The following SLC35F1 variants were observed in gnomAD, a reference collection of about 807,000 sequenced individuals.
SLC35F1 encodes the protein solute carrier family 35 member F1.
A neutral mutation model predicts 48.7 loss-of-function variants in SLC35F1; 14 were observed. The ratio of observed to expected loss-of-function variants is 0.29; its 90% CI spans 0.19 to 0.45. The LOEUF is 0.45. Ranked by LOEUF, SLC35F1 falls within the 20% of genes least tolerant of loss-of-function variation. The pLI is 1.00. For missense variants in SLC35F1, 404 were observed against 500.0 expected (o/e 0.81, Z 1.83); for synonymous variants, 190 against 202.2 (o/e 0.94, Z 0.51).
At chr6:117,924,544 A>G (rs1231281882) in intron 1 of SLC35F1, among the ~76,000 whole-genome samples, 2 of 149,038 alleles carry the variant, frequency 1.3e-5, no homozygotes, top group East Asian at 2.0e-4. Flanking sequence ...ATTCTGTTCC[A>G]TATATATGTG....
intron 1 of SLC35F1, among the ~76,000 whole-genome samples, chr6:117,923,646 C>CATATATGTATATATACAT (rs1178826026): frequency 2.0e-5 from 2 of 102,012 alleles, no homozygotes; most frequent in Non-Finnish European, 3.8e-5. Flanking sequence ...TACATATGTA[C>CATATATGTATATATACAT]ATATGTACAT....
chr6:117,996,052 C>T (rs1776983626), intron 1 of SLC35F1, among the ~76,000 whole-genome samples: 2 of 152,132 alleles, frequency 1.3e-5, no homozygotes, highest in African/African-American at 4.8e-5. Flanking sequence ...TGGAACATTA[C>T]AAAGAGTATC....
chr6:118,152,556 T>C (rs1774077553), intron 1 of SLC35F1, among the ~76,000 whole-genome samples: 1 of 152,174 alleles, frequency 6.6e-6, no homozygotes, highest in Non-Finnish European at 1.5e-5. Context: ...CACTCACTTG[T>C]CAGGACAATG....
Position 118,107,359 on chromosome 6 carries a change from C to G in SLC35F1, c.174-47086C>G, listed in dbSNP as rs551580092. 1.2e-3 allele frequency among the ~76,000 whole-genome samples: 190 copies of G among 152,296 alleles called. 1 individual carries two copies. Among genetic ancestry groups the G allele is most frequent in the African/African-American group, 4.5e-3 (187 of 41,578 alleles). ...CAAATTCTGTACTCTAACTTCCAAACTCTTTTCTCCCATTGTCCTTTGGAC... is the reference window on the plus strand; with the variant it reads ...CAAATTCTGTACTCTAACTTCCAAAGTCTTTTCTCCCATTGTCCTTTGGAC... On this transcript the variant is annotated intron_variant, in intron 1 of 7. Coordinates refer to ENST00000360388, the MANE Select transcript of SLC35F1 (RefSeq NM_001029858.4).
intron 1 of SLC35F1, among the ~76,000 whole-genome samples, chr6:118,140,679 A>G (rs1340164519): frequency 1.3e-5 from 2 of 151,720 alleles, no homozygotes; most frequent in East Asian, 3.9e-4. Context: ...AGGCATTGTT[A>G]TCATAGGAGA....
At chr6:118,037,756 A>G (rs912946800) in intron 1 of SLC35F1, among the ~76,000 whole-genome samples, 2 of 152,074 alleles carry the variant, frequency 1.3e-5, no homozygotes, top group African/African-American at 4.8e-5. Context: ...ATTCTCAGCA[A>G]ACTAACACAG....
intron 1 of SLC35F1, among the ~76,000 whole-genome samples, chr6:117,968,033 A>T (rs1776592931): frequency 6.6e-6 from 1 of 152,316 alleles, no homozygotes; most frequent in Admixed American, 6.5e-5. Context: ...AGAGATTAGC[A>T]TAAGTTCTGG....
chr6:118,246,015 C>T (rs1775503047), intron 3 of SLC35F1, among the ~76,000 whole-genome samples: 1 of 152,188 alleles, frequency 6.6e-6, no homozygotes. Context: ...CTCCCTCTTT[C>T]TCTCTAGTAT....
At chr6:118,099,163 G>A (rs1773221401) in intron 1 of SLC35F1, among the ~76,000 whole-genome samples, 1 of 152,206 alleles carries the variant, frequency 6.6e-6, no homozygotes, top group Non-Finnish European at 1.5e-5. Context: ...GCAGTGCCAT[G>A]ATGTCAGGCC....
chr6:117,950,176 T>C (rs1776345680), intron 1 of SLC35F1, among the ~76,000 whole-genome samples: 1 of 152,178 alleles, frequency 6.6e-6, no homozygotes, highest in African/African-American at 2.4e-5. Flanking sequence ...TTCCTCAAGA[T>C]CTTTCACATT....
chr6:118,120,660 T>A (rs1337801288), intron 1 of SLC35F1, among the ~76,000 whole-genome samples: 1 of 152,148 alleles, frequency 6.6e-6, no homozygotes, highest in East Asian at 1.9e-4. Flanking sequence ...AAACCACAAA[T>A]TCATTATACA....
intron 3 of SLC35F1, among the ~76,000 whole-genome samples, chr6:118,253,050 G>C (rs1297101405): frequency 6.6e-6 from 1 of 152,154 alleles, no homozygotes; most frequent in Admixed American, 6.5e-5. Flanking sequence ...TGGAGTTCAG[G>C]AGATAGATCC....
At chr6:118,130,359 C>A (rs1773691825) in intron 1 of SLC35F1, among the ~76,000 whole-genome samples, 1 of 152,120 alleles carries the variant, frequency 6.6e-6, no homozygotes, top group African/African-American at 2.4e-5. Flanking sequence ...AAGATAGTTT[C>A]TTCCACAGAA....
intron 1 of SLC35F1, among the ~76,000 whole-genome samples, chr6:118,146,893 A>G (rs1472751155): frequency 6.6e-6 from 1 of 152,234 alleles, no homozygotes; most frequent in African/African-American, 2.4e-5. Context: ...AGGATCAAAG[A>G]TACAAATTCC....
intron 1 of SLC35F1, among the ~76,000 whole-genome samples, chr6:117,951,484 T>C (rs1356832859): frequency 1.3e-5 from 2 of 152,286 alleles, no homozygotes; most frequent in African/African-American, 4.8e-5. Flanking sequence ...TTTAGTAGAA[T>C]TGAGTGATGT....
At chr6:118,127,366 T>A (rs1486965280) in intron 1 of SLC35F1, among the ~76,000 whole-genome samples, 1 of 152,218 alleles carries the variant, frequency 6.6e-6, no homozygotes, top group East Asian at 1.9e-4. Flanking sequence ...TTTGATGTGC[T>A]GCTGGATTCG....
At chr6:118,098,998 G>A (rs1773218698) in intron 1 of SLC35F1, among the ~76,000 whole-genome samples, 2 of 152,110 alleles carry the variant, frequency 1.3e-5, no homozygotes, top group South Asian at 4.1e-4. Flanking sequence ...ATGAATGTTA[G>A]TGTTGGATGG....
At chr6:118,269,001 C>CT (rs1775817230) in intron 4 of SLC35F1, among the ~76,000 whole-genome samples, 2 of 152,142 alleles carry the variant, frequency 1.3e-5, no homozygotes, top group African/African-American at 4.8e-5. Flanking sequence ...TATAAAAACT[C>CT]TATCTTCATG....
At chr6:117,921,568 A>C (rs1329818106) in intron 1 of SLC35F1, among the ~76,000 whole-genome samples, 2 of 152,046 alleles carry the variant, frequency 1.3e-5, no homozygotes, top group Non-Finnish European at 2.9e-5. Context: ...AGTGGGATAC[A>C]TGCCTTTTGG....
Sources: gnomAD v4.1 joint callset for allele counts (sites outside exome capture counted in the v4.1 genomes callset) on GRCh38, gnomAD v4.1.1 for gene constraint, MANE v1.5 for transcripts, NCBI Gene and HGNC (gene_info 2026-07-23, HGNC 2026-07-21) for gene names.